The following PDE4B variants were observed in gnomAD, a reference collection of about 807,000 sequenced individuals.
PDE4B encodes phosphodiesterase 4B.
Under a neutral mutation model 82.2 loss-of-function variants are expected in PDE4B, and 20 were observed. The observed-to-expected ratio is 0.24, with a 90% CI of 0.17 to 0.35. The LOEUF is 0.35. PDE4B is among the 10% of genes least tolerant of loss of function. The pLI, the probability that PDE4B is intolerant of heterozygous loss-of-function variation, is 1.00. For synonymous variants in PDE4B, 320 were observed against 318.9 expected, an observed-to-expected ratio of 1.00 and a Z score of -0.04; for missense variants, 655 against 907.2, an observed-to-expected ratio of 0.72 and a Z score of 3.57.
intron 1 of PDE4B, among the ~76,000 whole-genome samples, chr1:65,883,650 C>G (rs1235749705): frequency 6.6e-6 from 1 of 152,104 alleles, no homozygotes; most frequent in Non-Finnish European, 1.5e-5. Flanking sequence ...CCCTTTATTT[C>G]TTTCTCCTGC....
chr1:66,153,616 A>G (rs558120056), intron 3 of PDE4B, among the ~76,000 whole-genome samples: 1 of 152,266 alleles, frequency 6.6e-6, no homozygotes, highest in African/African-American at 2.4e-5. Context: ...GAATATGAAG[A>G]TTAATTAGAC....
chr1:66,093,579 T>A (rs978397924), intron 3 of PDE4B, among the ~76,000 whole-genome samples: 1 of 151,998 alleles, frequency 6.6e-6, no homozygotes, highest in African/African-American at 2.4e-5. Flanking sequence ...CCACAGCCAA[T>A]GAGAGAGGAA....
chr1:66,106,781 G>A (rs1570250336), intron 3 of PDE4B, among the ~76,000 whole-genome samples: 2 of 144,332 alleles, frequency 1.4e-5, no homozygotes, highest in Admixed American at 7.2e-5. Flanking sequence ...GATCGGTGGT[G>A]ATATCCCCTT....
rs1646242681 is a variant in PDE4B, at chr1:65,844,229, T to C, written c.-71+50981T>C. Among the ~76,000 whole-genome samples, 5 of 152,346 alleles carry C rather than the reference T, an allele frequency of 3.3e-5. No individual in the cohort carries two copies. The South Asian group carries it at 8.3e-4, about 25-fold the overall frequency. ...CAACAGAATAAAAGTATTTATTAGGTATTCATGATTGTACTGGGTGCTGTA... is the reference window on the plus strand; with the variant it reads ...CAACAGAATAAAAGTATTTATTAGGCATTCATGATTGTACTGGGTGCTGTA... On this transcript the variant is annotated intron_variant, in intron 1 of 16. Coordinates refer to ENST00000341517, the MANE Select transcript of PDE4B (RefSeq NM_002600.4).
chr1:65,826,610 T>C (rs1365619283), intron 1 of PDE4B, among the ~76,000 whole-genome samples: 1 of 152,170 alleles, frequency 6.6e-6, no homozygotes, highest in East Asian at 1.9e-4. Context: ...AATCTTCATA[T>C]GGACAAATGC....
intron 3 of PDE4B, among the ~76,000 whole-genome samples, chr1:66,093,479 T>G (rs1462805871): frequency 6.6e-6 from 1 of 152,010 alleles, no homozygotes; most frequent in Non-Finnish European, 1.5e-5. Context: ...TTGTGCTTTT[T>G]TTTCAGTGTA....
At chr1:66,246,090 C>T (rs956387122) in intron 3 of PDE4B, among the ~76,000 whole-genome samples, 2 of 152,184 alleles carry the variant, frequency 1.3e-5, no homozygotes, top group African/African-American at 4.8e-5. Context: ...TTAGGAAAGT[C>T]TGAGGTTGTA....
At chr1:65,816,195 G>GTGTGTGTT (rs1480530507) in intron 1 of PDE4B, among the ~76,000 whole-genome samples, 1 of 65,468 alleles carries the variant, frequency 1.5e-5, no homozygotes, top group African/African-American at 4.5e-5. Flanking sequence ...AATGCAGTGT[G>GTGTGTGTT]TGTGTGTGTG....
intron 7 of PDE4B, among the ~76,000 whole-genome samples, chr1:66,315,649 C>T (rs1038142145): frequency 8.6e-5 from 13 of 151,942 alleles, no homozygotes; most frequent in Non-Finnish European, 1.9e-4. Flanking sequence ...TAATAGAGAC[C>T]GGATTTCACC....
chr1:66,319,035 A>G (rs1340435351), intron 7 of PDE4B, among the ~76,000 whole-genome samples: 1 of 152,240 alleles, frequency 6.6e-6, no homozygotes, highest in Non-Finnish European at 1.5e-5. Context: ...TAAACTTGAA[A>G]GCGCATGTCA....
intron 3 of PDE4B, among the ~76,000 whole-genome samples, chr1:66,115,104 G>A (rs1015103933): frequency 6.6e-6 from 1 of 152,120 alleles, no homozygotes; most frequent in Non-Finnish European, 1.5e-5. Context: ...GTGTGATCAT[G>A]GAGCCTAAAT....
At chr1:65,997,528 G>A (rs1365022781) in intron 3 of PDE4B, among the ~76,000 whole-genome samples, 1 of 152,140 alleles carries the variant, frequency 6.6e-6, no homozygotes, top group Non-Finnish European at 1.5e-5. Context: ...CTGCCGACAT[G>A]CTTGCTGTAT....
At chr1:66,143,622 G>T (rs1037785285) in intron 3 of PDE4B, among the ~76,000 whole-genome samples, 6 of 152,200 alleles carry the variant, frequency 3.9e-5, no homozygotes, top group African/African-American at 7.2e-5. Flanking sequence ...ATTCTAATTT[G>T]AAAGCCAATG....
chr1:66,232,201 T>G (rs1652007221), intron 3 of PDE4B, among the ~76,000 whole-genome samples: 1 of 152,244 alleles, frequency 6.6e-6, no homozygotes, highest in Non-Finnish European at 1.5e-5. Flanking sequence ...CTAAGTAGTT[T>G]TATAGAAATT....
chr1:66,236,176 C>T (rs980862356), intron 3 of PDE4B, among the ~76,000 whole-genome samples: 1 of 151,644 alleles, frequency 6.6e-6, no homozygotes, highest in South Asian at 2.1e-4. Context: ...ATATATATCT[C>T]TTCATTTTTA....
chr1:66,041,095 T>C (rs1172357293), intron 3 of PDE4B, among the ~76,000 whole-genome samples: 1 of 151,928 alleles, frequency 6.6e-6, no homozygotes, highest in South Asian at 2.1e-4. Flanking sequence ...AACTAACCCA[T>C]ACTAAGGTGT....
intron 3 of PDE4B, among the ~76,000 whole-genome samples, chr1:66,003,026 A>ATAT (rs1651950392): frequency 6.6e-6 from 1 of 152,140 alleles, no homozygotes; most frequent in Non-Finnish European, 1.5e-5. Flanking sequence ...ACAAACATTC[A>ATAT]TATTATTGTC....
intron 3 of PDE4B, among the ~76,000 whole-genome samples, chr1:66,043,090 G>A (rs1251335093): frequency 6.6e-6 from 1 of 151,630 alleles, no homozygotes; most frequent in Non-Finnish European, 1.5e-5. Flanking sequence ...AGGAAAAAGG[G>A]GACAGATGGA....
At position 66,107,270 on chromosome 1, in the gene PDE4B, AAT is replaced by A. The variant is rs1645384002; in HGVS notation, c.282-140189_282-140188del. 4.6e-5 allele frequency among the ~76,000 whole-genome samples: 7 copies of A among 152,094 alleles called. No homozygotes were observed. In the Middle Eastern group the frequency reaches 0.01, roughly 222 times the overall value. ...GTTTTGAGTGAGTTTCTTAATCCTG[AAT>A]TCTAGTCTGATTGCACTGTGGTCTG... is the stretch of plus-strand genomic sequence containing the variant. On this transcript the variant is annotated intron_variant, in intron 3 of 16. Transcript: ENST00000341517.
Sources: allele counts gnomAD v4.1 joint callset (sites outside exome capture counted in the v4.1 genomes callset), GRCh38; gene constraint gnomAD v4.1.1; transcripts MANE v1.5; gene names NCBI Gene and HGNC (gene_info 2026-07-23, HGNC 2026-07-21).